The following TMA16 variants were observed in gnomAD, a reference collection of about 807,000 sequenced individuals.
The protein encoded by TMA16 is translation machinery associated 16 homolog, also known as translation machinery-associated protein 16.
TMA16 carries 26 observed loss-of-function variants against 27.1 expected under a neutral mutation model. That is an observed-to-expected ratio of 0.96 (90% CI 0.70 to 1.33). The LOEUF is 1.33. Among genes scored for constraint, TMA16 ranks in the 40% most tolerant of loss-of-function variants. TMA16 has a pLI of 0.00. For missense variants in TMA16, 233 were observed against 241.4 expected (o/e 0.97, Z 0.23); for synonymous variants, 71 against 81.9 (o/e 0.87, Z 0.72).
rs143360598 is a variant in TMA16 at position 163,505,547 on chromosome 4, T to C, written c.4-1486T>C. 2.4e-3 allele frequency among the ~76,000 whole-genome samples: 364 copies of C among 152,342 alleles called. 1 individual carries two copies. The highest frequency in any genetic ancestry group is 0.017 in the Middle Eastern group (5 of 294). ...CTTATCAAAGGGCAAGTAAAGTATT[T>C]TGCAGGCAGAGGTAATAACAAGTGC... On this transcript the variant is annotated intron_variant, in intron 1 of 6. Coordinates refer to ENST00000358572, the MANE Select transcript of TMA16 (RefSeq NM_018352.3).
At chr4:163,495,409 T>G (rs934619617) in intron 1 of TMA16, among the ~76,000 whole-genome samples, 4 of 152,232 alleles carry the variant, frequency 2.6e-5, no homozygotes, top group African/African-American at 9.6e-5. Flanking sequence ...TTTTAAGAAA[T>G]AAAACATAGC....
chr4:163,499,490 A>G (rs1215830628), intron 1 of TMA16, among the ~76,000 whole-genome samples: 1 of 152,130 alleles, frequency 6.6e-6, no homozygotes. Context: ...ACAGAGTGAT[A>G]TACCAAATTT....
chr4:163,496,524 A>G (rs1333634016), intron 1 of TMA16, among the ~76,000 whole-genome samples: 1 of 152,158 alleles, frequency 6.6e-6, no homozygotes, highest in African/African-American at 2.4e-5. Context: ...GTTATATATA[A>G]ATAATCTTTT....
At chr4:163,512,077 C>G (rs1032815930) in intron 2 of TMA16, among the ~76,000 whole-genome samples, 6 of 151,488 alleles carry the variant, frequency 4.0e-5, no homozygotes, top group Admixed American at 3.3e-4. Context: ...AAATTTACTT[C>G]TCTGGAAAAC....
intron 1 of TMA16, among the ~76,000 whole-genome samples, chr4:163,499,393 A>G (rs982863239): frequency 1.4e-4 from 21 of 152,158 alleles, no homozygotes; most frequent in Admixed American, 3.9e-4. Context: ...CTCCTCTACA[A>G]AAAAATAAGA....
At chr4:163,500,533 G>T (rs189331550) in intron 1 of TMA16, among the ~76,000 whole-genome samples, 1 of 151,972 alleles carries the variant, frequency 6.6e-6, no homozygotes, top group Non-Finnish European at 1.5e-5. Context: ...ACTTGATAAG[G>T]GTTTTTGAAA....
chr4:163,498,437 G>A (rs535399081), intron 1 of TMA16, among the ~76,000 whole-genome samples: 254 of 151,734 alleles, frequency 1.7e-3, no homozygotes, highest in Admixed American at 3.7e-3. Flanking sequence ...ACAGGTGCCC[G>A]CCACCACGCC....
At chr4:163,495,191 T>A (rs565682307) in intron 1 of TMA16, among the ~76,000 whole-genome samples, 100 of 152,266 alleles carry the variant, frequency 6.6e-4, no homozygotes, top group Middle Eastern at 3.4e-3. Flanking sequence ...GTAGACTCAG[T>A]ATGTGGGCTT....
intron 1 of TMA16, among the ~76,000 whole-genome samples, chr4:163,505,826 G>C (rs945484955): frequency 6.6e-6 from 1 of 152,182 alleles, no homozygotes; most frequent in Non-Finnish European, 1.5e-5. Context: ...GAAAGGACTA[G>C]TGGGGAGAAT....
chr4:163,509,524 A>G (rs888637776), intron 2 of TMA16, among the ~76,000 whole-genome samples: 1 of 152,152 alleles, frequency 6.6e-6, no homozygotes, highest in Non-Finnish European at 1.5e-5. Context: ...CATCTTTCAC[A>G]AGCCTGCAGC....
At chr4:163,499,749 T>C (rs1050943439) in intron 1 of TMA16, among the ~76,000 whole-genome samples, 4 of 151,926 alleles carry the variant, frequency 2.6e-5, no homozygotes, top group Non-Finnish European at 5.9e-5. Context: ...TATATTATTA[T>C]TTTTTATTTA....
Position 163,520,086 on chromosome 4 carries a change from G to T in TMA16, c.*572G>T. 3.6e-6 allele frequency: 2 copies of T among 559,290 alleles called. No individual in the cohort carries two copies. The highest frequency in any genetic ancestry group is 3.7e-5 in the South Asian group (2 of 54,170). 34.6% of individuals were successfully genotyped at this position (559,290 alleles called of 1,614,324 possible). A position where few individuals can be genotyped will look rare whatever the true frequency, so the allele number is the denominator to read the frequency against. ...TGGTAAAAGAAAAAAAATCAGTGAT[G>T]ATTGTTATGTTGATCTCCCACAATT... On this transcript the variant is annotated 3_prime_UTR_variant, in exon 7 of 7. Coordinates refer to ENST00000358572, the MANE Select transcript of TMA16 (RefSeq NM_018352.3).
intron 1 of TMA16, among the ~76,000 whole-genome samples, chr4:163,498,791 G>C (rs1238599623): frequency 2.0e-5 from 3 of 152,150 alleles, no homozygotes; most frequent in Admixed American, 6.5e-5. Context: ...CAGTAGCCAA[G>C]ATTACGGAGG....
At chr4:163,518,537 G>A (rs1297292890) in intron 6 of TMA16, among the ~76,000 whole-genome samples, 1 of 152,104 alleles carries the variant, frequency 6.6e-6, no homozygotes. Flanking sequence ...CAGTTTTTTA[G>A]TTTTTAAACA....
intron 1 of TMA16, among the ~76,000 whole-genome samples, chr4:163,498,960 T>A (rs1458774769): frequency 1.3e-5 from 2 of 152,232 alleles, no homozygotes; most frequent in East Asian, 3.8e-4. Context: ...TGTTTAGCCC[T>A]GATGGGTACT....
chr4:163,516,918 G>T (rs1486152375), intron 5 of TMA16, among the ~76,000 whole-genome samples: 1 of 152,090 alleles, frequency 6.6e-6, no homozygotes, highest in African/African-American at 2.4e-5. Flanking sequence ...TTATTTTAGT[G>T]AATTGACAGT....
chr4:163,497,977 G>A (rs942223936), intron 1 of TMA16, among the ~76,000 whole-genome samples: 1 of 152,148 alleles, frequency 6.6e-6, no homozygotes, highest in Non-Finnish European at 1.5e-5. Context: ...CAGCATATAT[G>A]TATGTTCCCT....
At chr4:163,508,876 A>G (rs770823631) in intron 2 of TMA16, among the ~76,000 whole-genome samples, 1 of 152,204 alleles carries the variant, frequency 6.6e-6, no homozygotes, top group Non-Finnish European at 1.5e-5. Context: ...AAATTATGGA[A>G]GAATAAAACA....
chr4:163,510,733 C>G (rs545667034), intron 2 of TMA16, among the ~76,000 whole-genome samples: 1 of 152,142 alleles, frequency 6.6e-6, no homozygotes, highest in Admixed American at 6.5e-5. Context: ...CCTGTTATTA[C>G]GAAAAGTTTT....
Sources: allele counts gnomAD v4.1 joint callset (sites outside exome capture counted in the v4.1 genomes callset), GRCh38; gene constraint gnomAD v4.1.1; transcripts MANE v1.5; gene names NCBI Gene and HGNC (gene_info 2026-07-23, HGNC 2026-07-21).